Variants in KCNK2 observed in about 807,000 individuals in gnomAD.
KCNK2 encodes the protein potassium channel subfamily K member 2.
A neutral mutation model predicts 40.5 loss-of-function variants in KCNK2; 21 were observed. The ratio of observed to expected loss-of-function variants is 0.52; its 90% CI spans 0.37 to 0.75. The LOEUF (loss-of-function observed/expected upper bound fraction) is 0.75, where lower values mean the gene tolerates loss of function less well. KCNK2 is among the 30% of genes least tolerant of loss of function. KCNK2 has a pLI of 0.00. For synonymous variants in KCNK2, 191 were observed against 202.2 expected, an observed-to-expected ratio of 0.94 and a Z score of 0.47; for missense variants, 399 against 531.6, an observed-to-expected ratio of 0.75 and a Z score of 2.45.
chr1:215,161,152 C>T (rs150623899), intron 3 of KCNK2, among the ~76,000 whole-genome samples: 153 of 152,270 alleles, frequency 1.0e-3, no homozygotes, highest in African/African-American at 3.6e-3. Flanking sequence ...GGTCAGTCAG[C>T]CTACATGATA....
At chr1:215,153,686 T>G (rs1457386837) in intron 3 of KCNK2, among the ~76,000 whole-genome samples, 3 of 152,088 alleles carry the variant, frequency 2.0e-5, no homozygotes, top group African/African-American at 7.2e-5. Context: ...GTTACATAGG[T>G]ATACGTGTGC....
intron 1 of KCNK2, among the ~76,000 whole-genome samples, chr1:215,076,536 C>A (rs1296045835): frequency 6.6e-6 from 1 of 152,174 alleles, no homozygotes; most frequent in Non-Finnish European, 1.5e-5. Context: ...CTCACATGAA[C>A]CTCTCTGGAG....
intron 3 of KCNK2, among the ~76,000 whole-genome samples, chr1:215,151,673 T>G (rs1662690048): frequency 6.6e-6 from 1 of 152,110 alleles, no homozygotes; most frequent in Non-Finnish European, 1.5e-5. Context: ...TTTATGTCAT[T>G]CATTTTGGAA....
At chr1:215,208,118 A>T (rs188758356) in intron 6 of KCNK2, among the ~76,000 whole-genome samples, 1 of 152,188 alleles carries the variant, frequency 6.6e-6, no homozygotes, top group African/African-American at 2.4e-5. Context: ...CATGGAATCA[A>T]TGTAACTGCC....
chr1:215,135,727 T>A (rs1661875890), intron 3 of KCNK2, among the ~76,000 whole-genome samples: 1 of 151,834 alleles, frequency 6.6e-6, no homozygotes. Flanking sequence ...TTATTTTTTA[T>A]TTTATTTATT....
chr1:215,093,836 T>A (rs1659848541), intron 2 of KCNK2, among the ~76,000 whole-genome samples: 2 of 49,482 alleles, frequency 4.0e-5, no homozygotes, highest in Non-Finnish European at 8.5e-5. Flanking sequence ...ATATATAAAA[T>A]ATATTATATA....
chr1:215,080,532 T>C (rs1188833975), upstream of KCNK2, among the ~76,000 whole-genome samples: 4 of 152,166 alleles, frequency 2.6e-5, no homozygotes, highest in African/African-American at 9.7e-5. Flanking sequence ...AAATGTCAGC[T>C]ATTTAGTAGG....
In KCNK2 at chr1:215,007,185, G is replaced by GTGTGTATA. The variant is rs1398746959; in HGVS notation, c.34+1231_34+1232insGTGTATAT. On this transcript the variant is annotated intron_variant, in intron 1 of 6. Coordinates refer to the KCNK2 transcript ENST00000391895. ...TGTATATATATATGTATGTGTGTGG[G>GTGTGTATA]TATATATATATATATATATATATAT... Among the ~76,000 whole-genome samples, 8 of 31,028 alleles carry GTGTGTATA rather than the reference G, an allele frequency of 2.6e-4. 1 individual carries two copies. The highest frequency in any genetic ancestry group is 9.8e-4 in the African/African-American group (8 of 8,146). The allele number at this position is 31,028 out of a possible 152,430, so 20.4% of individuals were successfully genotyped here. A position where few individuals can be genotyped will look rare whatever the true frequency, so the allele number is the denominator to read the frequency against.
chr1:215,017,555 G>A (rs953009474), intron 1 of KCNK2, among the ~76,000 whole-genome samples: 2 of 152,098 alleles, frequency 1.3e-5, no homozygotes, highest in Non-Finnish European at 1.5e-5. Flanking sequence ...CATAGAAGCA[G>A]AAAATAGAAT....
intron 6 of KCNK2, among the ~76,000 whole-genome samples, chr1:215,228,018 G>A (rs1236091806): frequency 1.3e-5 from 2 of 152,100 alleles, no homozygotes; most frequent in Non-Finnish European, 2.9e-5. Flanking sequence ...GAGATGCCTG[G>A]GAGCCATCGA....
At chr1:215,150,080 G>A (rs545487378) in intron 3 of KCNK2, among the ~76,000 whole-genome samples, 2 of 152,274 alleles carry the variant, frequency 1.3e-5, no homozygotes, top group South Asian at 4.1e-4. Context: ...ATCAGTCTTA[G>A]TAAAGGGAAC....
At chr1:215,192,752 G>T (rs1276453576) in intron 5 of KCNK2, among the ~76,000 whole-genome samples, 1 of 152,122 alleles carries the variant, frequency 6.6e-6, no homozygotes, top group Non-Finnish European at 1.5e-5. Flanking sequence ...ATCACGAGAT[G>T]CATTTATAAT....
chr1:215,016,502 G>GA (rs1656591968), intron 1 of KCNK2, among the ~76,000 whole-genome samples: 1 of 152,086 alleles, frequency 6.6e-6, no homozygotes, highest in Non-Finnish European at 1.5e-5. Flanking sequence ...ACACAATAAG[G>GA]AAAGGGCCAG....
rs1268595972 is a variant in KCNK2 at position 215,007,073 on chromosome 1, A to G, written c.34+1118A>G. 1.1e-3 allele frequency among the ~76,000 whole-genome samples: 136 copies of G among 121,540 alleles called. 2 individuals carry two copies. The highest frequency in any genetic ancestry group is 4.3e-3 in the Middle Eastern group (1 of 232). The allele number at this position is 121,540 out of a possible 152,430, so 79.7% of individuals were successfully genotyped here. On this transcript the variant is annotated intron_variant, in intron 1 of 6. Transcript: ENST00000391895. ...TGTATATATATATGTGTGTGTGTGT[A>G]TATATATATGTGTGTATATATATAT...
intron 2 of KCNK2, among the ~76,000 whole-genome samples, chr1:215,088,439 T>C (rs1286375127): frequency 6.6e-6 from 1 of 152,176 alleles, no homozygotes; most frequent in Admixed American, 6.5e-5. Context: ...ATAAAGTGTT[T>C]CGGTGCTCAG....
intron 3 of KCNK2, among the ~76,000 whole-genome samples, chr1:215,136,578 A>G (rs181018751): frequency 5.3e-5 from 8 of 152,294 alleles, no homozygotes; most frequent in Admixed American, 4.6e-4. Context: ...ACAAAAGTCT[A>G]TTTCTTGTTT....
At chr1:215,187,952 AGAG>A (rs1218850865) in intron 5 of KCNK2, among the ~76,000 whole-genome samples, 20 of 152,130 alleles carry the variant, frequency 1.3e-4, no homozygotes, top group Admixed American at 1.3e-3. Context: ...TGAAAAAACC[AGAG>A]AAGAATTTAT....
At chr1:215,076,537 C>A (rs1166293181) in intron 1 of KCNK2, among the ~76,000 whole-genome samples, 1 of 152,162 alleles carries the variant, frequency 6.6e-6, no homozygotes, top group African/African-American at 2.4e-5. Context: ...TCACATGAAC[C>A]TCTCTGGAGG....
At chr1:215,081,011 A>G (rs1201124127), upstream of KCNK2, among the ~76,000 whole-genome samples, 1 of 152,158 alleles carries the variant, frequency 6.6e-6, no homozygotes, top group Admixed American at 6.5e-5. Flanking sequence ...TTCCTGGAAA[A>G]GGAGAAATTC....
Sources: gnomAD v4.1 joint callset for allele counts (sites outside exome capture counted in the v4.1 genomes callset) on GRCh38, gnomAD v4.1.1 for gene constraint, MANE v1.5 for transcripts, NCBI Gene and HGNC (gene_info 2026-07-23, HGNC 2026-07-21) for gene names.